SORCS2: variants seen among roughly 807,000 people sequenced by gnomAD.
The protein encoded by SORCS2 is sortilin related VPS10 domain containing receptor 2.
A neutral mutation model predicts 141.6 loss-of-function variants in SORCS2; 100 were observed. That is an observed-to-expected ratio of 0.71 (90% CI 0.60 to 0.83). The LOEUF (loss-of-function observed/expected upper bound fraction) is 0.83. Ranked by LOEUF, SORCS2 falls within the 40% of genes least tolerant of loss-of-function variation. The pLI, the probability that SORCS2 is intolerant of heterozygous loss-of-function variation, is 0.00. For synonymous variants in SORCS2, 789 were observed against 676.9 expected, an observed-to-expected ratio of 1.17 and a Z score of -2.57; for missense variants, 1,646 against 1,560.2, an observed-to-expected ratio of 1.05 and a Z score of -0.93.
intron 3 of SORCS2, among the ~76,000 whole-genome samples, chr4:7,618,990 C>G (rs1320998996): frequency 6.6e-6 from 1 of 152,122 alleles, no homozygotes; most frequent in Non-Finnish European, 1.5e-5. Flanking sequence ...AAATTTCTAA[C>G]CGGCAAATGT....
intron 3 of SORCS2, among the ~76,000 whole-genome samples, chr4:7,590,374 A>C (rs1716835851): frequency 6.6e-6 from 1 of 152,130 alleles, no homozygotes; most frequent in South Asian, 2.1e-4. Context: ...TTATTTGCTA[A>C]CTTTAAGAAG....
Position 7,518,714 on chromosome 4 carries a change from C to T in SORCS2, c.549-12816C>T, listed in dbSNP as rs188306301. ...GTGTCCTTCCTGACCAAGTGCAAAGCGATGGGCAAGTGCCGGTTTTCTCTC... is the reference window on the plus strand; with the variant it reads ...GTGTCCTTCCTGACCAAGTGCAAAGTGATGGGCAAGTGCCGGTTTTCTCTC... On this transcript the variant is annotated intron_variant, in intron 2 of 26. Coordinates refer to ENST00000507866, the MANE Select transcript of SORCS2 (RefSeq NM_020777.3). 1.8e-3 allele frequency among the ~76,000 whole-genome samples: 278 copies of T among 152,240 alleles called. 1 individual carries two copies. The highest frequency in any genetic ancestry group is 6.4e-3 in the African/African-American group (267 of 41,528).
At chr4:7,647,029 T>C (rs938248267) in intron 4 of SORCS2, among the ~76,000 whole-genome samples, 3 of 152,088 alleles carry the variant, frequency 2.0e-5, no homozygotes, top group African/African-American at 7.2e-5. Context: ...ACCCGGACTC[T>C]TACCTGTGGA....
intron 14 of SORCS2, 44 bp from the exon 15 acceptor site, chr4:7,712,689 A>G (rs1560503492): frequency 6.2e-7 from 1 of 1,612,836 alleles, no homozygotes. Flanking sequence ...GACAAGGCCT[A>G]ATGAAGGTGG....
intron 2 of SORCS2, among the ~76,000 whole-genome samples, chr4:7,428,010 G>T (rs1026248148): frequency 6.6e-6 from 1 of 152,154 alleles, no homozygotes; most frequent in Non-Finnish European, 1.5e-5. Flanking sequence ...CCTGGGGTCT[G>T]CTCTGTGGGC....
At chr4:7,699,864 G>C (rs946343198) in intron 12 of SORCS2, among the ~76,000 whole-genome samples, 1 of 152,138 alleles carries the variant, frequency 6.6e-6, no homozygotes, top group African/African-American at 2.4e-5. Flanking sequence ...CCCTTTGCTT[G>C]GGAATTCATT....
intron 1 of SORCS2, among the ~76,000 whole-genome samples, chr4:7,251,624 A>G (rs961259922): frequency 1.3e-5 from 2 of 152,200 alleles, no homozygotes; most frequent in Non-Finnish European, 2.9e-5. Flanking sequence ...CCTAAGCCTC[A>G]GTGTCCCTTT....
At chr4:7,215,345 C>T (rs888732982) in intron 1 of SORCS2, among the ~76,000 whole-genome samples, 5 of 152,360 alleles carry the variant, frequency 3.3e-5, no homozygotes, top group East Asian at 1.9e-4. Context: ...GATTTCTCAC[C>T]GGGCCTTAGC....
chr4:7,316,439 C>G (rs1170687945), intron 1 of SORCS2, among the ~76,000 whole-genome samples: 1 of 152,180 alleles, frequency 6.6e-6, no homozygotes, highest in Non-Finnish European at 1.5e-5. Context: ...AGCCTCAGCC[C>G]AAGCACAAAA....
intron 3 of SORCS2, among the ~76,000 whole-genome samples, chr4:7,558,634 G>A (rs1389006066): frequency 3.3e-5 from 5 of 152,212 alleles, no homozygotes; most frequent in African/African-American, 9.6e-5. Flanking sequence ...CGTGAGTGAT[G>A]TGCCAAGCCT....
chr4:7,721,427 C>T (rs1485356014), intron 18 of SORCS2, among the ~76,000 whole-genome samples: 1 of 152,160 alleles, frequency 6.6e-6, no homozygotes, highest in Non-Finnish European at 1.5e-5. Context: ...GATCCCACCA[C>T]TGTACTCCAG....
intron 1 of SORCS2, among the ~76,000 whole-genome samples, chr4:7,361,708 G>C (rs912726762): frequency 3.9e-5 from 6 of 151,948 alleles, no homozygotes; most frequent in Admixed American, 6.5e-5. Context: ...AAGGGCTGGG[G>C]ACCCCACTGC....
intron 25 of SORCS2, among the ~76,000 whole-genome samples, chr4:7,736,432 C>A (rs1392714074): frequency 6.6e-6 from 1 of 152,222 alleles, no homozygotes; most frequent in African/African-American, 2.4e-5. Flanking sequence ...TCTGAGAAAG[C>A]CCCCCTCTCC....
intron 1 of SORCS2, among the ~76,000 whole-genome samples, chr4:7,227,837 T>C (rs1245597405): frequency 6.6e-6 from 1 of 152,008 alleles, no homozygotes; most frequent in African/African-American, 2.4e-5. Flanking sequence ...AATCTTCCTG[T>C]TGGGGTTTTC....
chr4:7,465,908 A>G (rs2109334432), intron 2 of SORCS2, among the ~76,000 whole-genome samples: 1 of 152,190 alleles, frequency 6.6e-6, no homozygotes, highest in South Asian at 2.1e-4. Flanking sequence ...TTTGCAGATG[A>G]GGAAACAGAG....
chr4:7,527,110 C>A (rs1039469344), intron 2 of SORCS2, among the ~76,000 whole-genome samples: 39 of 152,332 alleles, frequency 2.6e-4, no homozygotes, highest in African/African-American at 8.7e-4. Flanking sequence ...GGACCGCCCG[C>A]CCCACCCACC....
At chr4:7,351,646 A>C (rs561086794) in intron 1 of SORCS2, among the ~76,000 whole-genome samples, 1 of 150,208 alleles carries the variant, frequency 6.7e-6, no homozygotes, top group East Asian at 2.0e-4. Flanking sequence ...CCCTCCTCCT[A>C]TCCCTTCCTC....
chr4:7,214,231 G>A (rs187844938), intron 1 of SORCS2, among the ~76,000 whole-genome samples: 1 of 152,324 alleles, frequency 6.6e-6, no homozygotes, highest in Admixed American at 6.5e-5. Flanking sequence ...GTATTGGGAG[G>A]TGGGACCTTG....
At chr4:7,339,384 G>A (rs10011716) in intron 1 of SORCS2, among the ~76,000 whole-genome samples, 5 of 152,228 alleles carry the variant, frequency 3.3e-5, no homozygotes, top group East Asian at 1.9e-4. Flanking sequence ...CCACAGCTGC[G>A]TAACAAAGTA....
Sources: gnomAD v4.1 joint callset for allele counts (sites outside exome capture counted in the v4.1 genomes callset) on GRCh38, gnomAD v4.1.1 for gene constraint, MANE v1.5 for transcripts, NCBI Gene and HGNC (gene_info 2026-07-23, HGNC 2026-07-21) for gene names.